SLIT2: variants seen among roughly 807,000 people sequenced by gnomAD.
SLIT2 encodes the protein slit homolog 2 protein.
A neutral mutation model predicts 185.7 loss-of-function variants in SLIT2; 41 were observed. That is an observed-to-expected ratio of 0.22 (90% CI 0.17 to 0.29). The LOEUF (loss-of-function observed/expected upper bound fraction) is 0.29. Among genes scored for constraint, SLIT2 ranks in the 10% least tolerant of loss-of-function variants. SLIT2 has a pLI of 1.00. For synonymous variants in SLIT2, 693 were observed against 680.2 expected (o/e 1.02, Z -0.29); for missense variants, 1,571 against 1,909.0 (o/e 0.82, Z 3.30).
In SLIT2 at chr4:20,541,639, T is replaced by G. The variant is rs748065574; in HGVS notation, c.2143+20T>G. On this transcript the variant is annotated intron_variant, in intron 20 of 36. Coordinates refer to ENST00000504154, the MANE Select transcript of SLIT2 (RefSeq NM_004787.4). ...ATGACGGTAAGAAATACTTATCAAC[T>G]CTTTGATTGTCAGGCATTCACATGC... The G allele has an allele frequency of 6.2e-7, 1 of 1,608,264 alleles. No individual in the cohort carries two copies. The highest frequency in any genetic ancestry group is 1.7e-5 in the Admixed American group (1 of 59,972).
Position 20,395,969 on chromosome 4 carries a change from G to T in SLIT2, c.396-71783G>T, listed in dbSNP as rs554116729. 9.2e-5 allele frequency among the ~76,000 whole-genome samples: 14 copies of T among 151,878 alleles called. No individual in the cohort carries two copies. In the South Asian group the frequency reaches 2.9e-3, roughly 32 times the overall value. ...AAGTAAAATTAATATAAGTAAAATA[G>T]TATTTTTAAAAGGTAGATCACAAGA... On this transcript the variant is annotated intron_variant, in intron 4 of 36. Coordinates refer to ENST00000504154, the MANE Select transcript of SLIT2 (RefSeq NM_004787.4).
intron 6 of SLIT2, among the ~76,000 whole-genome samples, chr4:20,481,920 C>G (rs1716744011): frequency 6.6e-6 from 1 of 151,996 alleles, no homozygotes; most frequent in Non-Finnish European, 1.5e-5. Flanking sequence ...ATAGACTACT[C>G]TCTAACAACA....
intron 5 of SLIT2, among the ~76,000 whole-genome samples, chr4:20,469,626 A>T (rs748302839): frequency 6.6e-6 from 1 of 151,824 alleles, no homozygotes; most frequent in Non-Finnish European, 1.5e-5. Context: ...ATGCAGTTAG[A>T]TGAGTTTTTT....
At chr4:20,443,329 C>T (rs1280160803) in intron 4 of SLIT2, among the ~76,000 whole-genome samples, 2 of 152,206 alleles carry the variant, frequency 1.3e-5, no homozygotes, top group East Asian at 1.9e-4. Context: ...TAGCTAACTT[C>T]TTGGAACAGG....
intron 4 of SLIT2, among the ~76,000 whole-genome samples, chr4:20,298,962 A>G (rs889778686): frequency 6.6e-6 from 1 of 152,212 alleles, no homozygotes; most frequent in Non-Finnish European, 1.5e-5. Context: ...TTTTTAATAA[A>G]TGAAAAATTA....
chr4:20,329,505 C>A (rs904234948), intron 4 of SLIT2, among the ~76,000 whole-genome samples: 1 of 151,884 alleles, frequency 6.6e-6, no homozygotes, highest in Non-Finnish European at 1.5e-5. Context: ...TGTATACTAT[C>A]TAGAAGTCTT....
intron 33 of SLIT2, among the ~76,000 whole-genome samples, chr4:20,600,135 G>T (rs1292876041): frequency 6.6e-6 from 1 of 151,990 alleles, no homozygotes; most frequent in East Asian, 1.9e-4. Context: ...TCAGAAATTT[G>T]TGGTTCATTT....
chr4:20,512,817 C>T lies in SLIT2; in HGVS notation c.1058+1680C>T, dbSNP rs147900441. Among the ~76,000 whole-genome samples, 56 of 152,190 alleles carry T rather than the reference C, an allele frequency of 3.7e-4. 1 individual carries two copies. Among genetic ancestry groups the T allele is most frequent in the African/African-American group, 1.7e-4 (7 of 41,546 alleles). On this transcript the variant is annotated intron_variant, in intron 11 of 36. Coordinates refer to ENST00000504154, the MANE Select transcript of SLIT2 (RefSeq NM_004787.4). ...ATCAGTGGGAAATTCTTATTTATAT[C>T]GGCTTGCTTGCAGAGTTTGATATTA...
intron 4 of SLIT2, among the ~76,000 whole-genome samples, chr4:20,274,295 A>G (rs907545168): frequency 6.6e-6 from 1 of 152,212 alleles, no homozygotes; most frequent in African/African-American, 2.4e-5. Flanking sequence ...GCCACTTAAA[A>G]AATAGAGGCA....
intron 4 of SLIT2, among the ~76,000 whole-genome samples, chr4:20,399,913 T>C (rs1215837642): frequency 6.6e-6 from 1 of 151,630 alleles, no homozygotes; most frequent in Non-Finnish European, 1.5e-5. Flanking sequence ...AGAAGATGCA[T>C]CAGAAGATGA....
At chr4:20,478,516 C>G (rs1180505963) in intron 5 of SLIT2, among the ~76,000 whole-genome samples, 2 of 152,182 alleles carry the variant, frequency 1.3e-5, no homozygotes, top group Non-Finnish European at 2.9e-5. Context: ...TGCTTGAGTG[C>G]TTTCTGGCAT....
At chr4:20,381,820 A>C (rs962164218) in intron 4 of SLIT2, among the ~76,000 whole-genome samples, 7 of 152,116 alleles carry the variant, frequency 4.6e-5, no homozygotes, top group Non-Finnish European at 1.5e-5. Flanking sequence ...AATACTTCTC[A>C]ATGTATTTTA....
chr4:20,606,127 G>A (rs1728780697), intron 33 of SLIT2, among the ~76,000 whole-genome samples: 1 of 152,154 alleles, frequency 6.6e-6, no homozygotes, highest in Non-Finnish European at 1.5e-5. Flanking sequence ...AGAAAAGACA[G>A]CAAGAAATAC....
In SLIT2 at chr4:20,596,529, T is replaced by C; in HGVS notation, c.3435T>C (p.Cys1145=). 1 of 1,614,112 alleles carries C rather than the reference T, an allele frequency of 6.2e-7. No homozygotes were observed. The highest frequency in any genetic ancestry group is 8.5e-7 in the Non-Finnish European group (1 of 1,179,990). The change falls in exon 32 of 37, where the codon TGT becomes TGC. Residue 1145 remains cysteine, a synonymous_variant. Transcript: ENST00000504154. ...TCGTCAGAATAAATGAGCCAATATG[T>C]CAGTGTTTGCCTGGCTATCAGGGAG... ...QCIVRINEPI[C]QCLPGYQGEK...
intron 29 of SLIT2, among the ~76,000 whole-genome samples, chr4:20,587,515 G>A (rs2148945138): frequency 6.6e-6 from 1 of 152,300 alleles, no homozygotes; most frequent in Middle Eastern, 3.4e-3. Context: ...TAAAGCTGTT[G>A]ATTAGAGATT....
intron 4 of SLIT2, among the ~76,000 whole-genome samples, chr4:20,279,177 T>C (rs1714481820): frequency 1.3e-5 from 2 of 152,192 alleles, no homozygotes; most frequent in Admixed American, 1.3e-4. Flanking sequence ...TGTATTGAGG[T>C]TGGGAAATAA....
chr4:20,383,848 G>T (rs1030847249), intron 4 of SLIT2, among the ~76,000 whole-genome samples: 1 of 151,958 alleles, frequency 6.6e-6, no homozygotes, highest in South Asian at 2.1e-4. Flanking sequence ...GATTACAGGC[G>T]CTGGCCACCA....
In SLIT2 at chr4:20,417,016, C is replaced by T. The variant is rs181286242; in HGVS notation, c.396-50736C>T. ...ACACATTTAAATGTGACCACAGGAA[C>T]AAATGGAAAGAGATTGAAGCCTTGA... On this transcript the variant is annotated intron_variant, in intron 4 of 36. Coordinates refer to ENST00000504154, the MANE Select transcript of SLIT2 (RefSeq NM_004787.4). Among the ~76,000 whole-genome samples, 29 of 146,176 alleles carry T rather than the reference C, an allele frequency of 2.0e-4. No homozygotes were observed. The East Asian group carries it at 5.7e-3, about 29-fold the overall frequency.
chr4:20,413,562 A>T (rs1337532855), intron 4 of SLIT2, among the ~76,000 whole-genome samples: 2 of 152,006 alleles, frequency 1.3e-5, no homozygotes, highest in African/African-American at 4.8e-5. Context: ...ACTATAATTT[A>T]TAAATTGTTT....
Sources: gnomAD v4.1 joint callset for allele counts (sites outside exome capture counted in the v4.1 genomes callset) on GRCh38, gnomAD v4.1.1 for gene constraint, MANE v1.5 for transcripts, NCBI Gene and HGNC (gene_info 2026-07-23, HGNC 2026-07-21) for gene names.